The following TMEM135 variants were observed in gnomAD, a reference collection of about 807,000 sequenced individuals.
The protein encoded by TMEM135 is transmembrane protein 135.
TMEM135 carries 30 observed loss-of-function variants against 60.3 expected under a neutral mutation model. The ratio of observed to expected loss-of-function variants is 0.50; its 90% CI spans 0.37 to 0.68. TMEM135 has a LOEUF of 0.68. Ranked by LOEUF, TMEM135 falls within the 30% of genes least tolerant of loss-of-function variation. The pLI is 0.00. For missense variants in TMEM135, 468 were observed against 548.8 expected, an observed-to-expected ratio of 0.85 and a Z score of 1.47; for synonymous variants, 190 against 186.7, an observed-to-expected ratio of 1.02 and a Z score of -0.14.
intron 5 of TMEM135, among the ~76,000 whole-genome samples, chr11:87,223,620 C>T (rs1940695719): frequency 6.6e-6 from 1 of 151,874 alleles, no homozygotes; most frequent in African/African-American, 2.4e-5. Context: ...AGACCAGCCT[C>T]GCCAACATGG....
At chr11:87,041,938 C>T (rs1339717721) in intron 1 of TMEM135, among the ~76,000 whole-genome samples, 2 of 152,134 alleles carry the variant, frequency 1.3e-5, no homozygotes, top group African/African-American at 4.8e-5. Flanking sequence ...GTTGCAGTTG[C>T]CATTATTGCT....
intron 4 of TMEM135, among the ~76,000 whole-genome samples, chr11:87,131,324 A>G (rs572082649): frequency 1.3e-5 from 1 of 78,046 alleles, no homozygotes; most frequent in Admixed American, 1.6e-4. Context: ...CATACAGAAT[A>G]GTTTCACTGC....
chr11:87,110,511 A>C (rs980025040), intron 4 of TMEM135, among the ~76,000 whole-genome samples: 3 of 152,140 alleles, frequency 2.0e-5, no homozygotes, highest in African/African-American at 7.2e-5. Context: ...CTTTGTGACT[A>C]TAACTGCAAA....
At chr11:87,186,958 T>C (rs980124314) in intron 5 of TMEM135, among the ~76,000 whole-genome samples, 10 of 152,168 alleles carry the variant, frequency 6.6e-5, no homozygotes, top group Middle Eastern at 3.2e-3. Flanking sequence ...AATATAATTA[T>C]TGTGTAGTTA....
rs1371694030 is a variant in TMEM135, at chr11:87,324,055, T to G, written c.*2722T>G. 1 of 454,012 alleles carries G rather than the reference T, an allele frequency of 2.2e-6. No homozygotes were observed. The highest frequency in any genetic ancestry group is 4.4e-6 in the Non-Finnish European group (1 of 226,792). 28.1% of individuals were successfully genotyped at this position (454,012 alleles called of 1,614,324 possible). A position where few individuals can be genotyped will look rare whatever the true frequency, so the allele number is the denominator to read the frequency against. On this transcript the variant is annotated 3_prime_UTR_variant, in exon 15 of 15. Transcript: ENST00000305494. ...TTTATTAGACTGAACATGTATGTTT[T>G]TGATGGAATCCAAACTGAGCAAATG...
At chr11:87,244,876 T>C (rs997774311) in intron 6 of TMEM135, among the ~76,000 whole-genome samples, 4 of 150,714 alleles carry the variant, frequency 2.7e-5, no homozygotes, top group Non-Finnish European at 5.9e-5. Context: ...TTTTAGTTAT[T>C]TCTTGCCTTC....
chr11:87,197,832 A>G (rs1357378438), intron 5 of TMEM135, among the ~76,000 whole-genome samples: 2 of 152,200 alleles, frequency 1.3e-5, no homozygotes, highest in Non-Finnish European at 2.9e-5. Context: ...GTATGTTATC[A>G]GAGAAGAAAA....
Position 87,096,586 on chromosome 11 carries a change from C to A in TMEM135, c.396+5191C>A, listed in dbSNP as rs1857335223. 2 of 152,256 alleles carry A rather than the reference C, an allele frequency of 1.3e-5. 1 individual carries two copies. The highest frequency in any genetic ancestry group is 4.8e-5 in the African/African-American group (2 of 41,552). The allele number at this position is 152,256 out of a possible 1,614,324, so 9.4% of individuals were successfully genotyped here. On this transcript the variant is annotated intron_variant, in intron 4 of 14. Coordinates refer to ENST00000305494, the MANE Select transcript of TMEM135 (RefSeq NM_022918.4). ...ACCATGTTACTTAATACACAGTCAC[C>A]TTTTTTGAATACTGATACAGGTAGT...
At chr11:87,131,426 A>G (rs988798825) in intron 4 of TMEM135, among the ~76,000 whole-genome samples, 1 of 152,016 alleles carries the variant, frequency 6.6e-6, no homozygotes, top group African/African-American at 2.4e-5. Flanking sequence ...CCCTCACTAG[A>G]GTGTGGTCTG....
chr11:87,280,795 T>C (rs374414225), intron 6 of TMEM135, among the ~76,000 whole-genome samples: 14 of 152,224 alleles, frequency 9.2e-5, no homozygotes, highest in Admixed American at 7.2e-4. Flanking sequence ...ACTTATGAAA[T>C]ACTTAACTGT....
intron 6 of TMEM135, among the ~76,000 whole-genome samples, chr11:87,266,249 AC>A (rs1229599978): frequency 1.3e-5 from 2 of 152,008 alleles, no homozygotes; most frequent in Non-Finnish European, 2.9e-5. Flanking sequence ...TAAGTCCCTC[AC>A]CCTTGGCTGG....
chr11:87,038,498 C>A (rs910685699), intron 1 of TMEM135, among the ~76,000 whole-genome samples: 1 of 151,900 alleles, frequency 6.6e-6, no homozygotes, highest in Non-Finnish European at 1.5e-5. Context: ...ATTCAAAGAC[C>A]AGCCTTATTT....
At chr11:87,126,150 C>G (rs1174058433) in intron 4 of TMEM135, among the ~76,000 whole-genome samples, 1 of 152,036 alleles carries the variant, frequency 6.6e-6, no homozygotes, top group Non-Finnish European at 1.5e-5. Context: ...GGGTTATGGG[C>G]TTGAGCCACT....
chr11:87,206,229 T>C (rs547782705), intron 5 of TMEM135, among the ~76,000 whole-genome samples: 246 of 152,308 alleles, frequency 1.6e-3, no homozygotes, highest in African/African-American at 5.7e-3. Flanking sequence ...GACTAACTAA[T>C]ATGCAGTTTG....
intron 10 of TMEM135, among the ~76,000 whole-genome samples, chr11:87,310,531 G>A (rs1178688893): frequency 6.6e-6 from 1 of 151,284 alleles, no homozygotes; most frequent in Non-Finnish European, 1.5e-5. Flanking sequence ...CTGGGTATTG[G>A]GATCAATCAT....
In TMEM135 at chr11:87,322,995, G is replaced by A. The variant is rs1942851111; in HGVS notation, c.*1662G>A. ...AACGATGGTTGGTACTGTGTTTACT[G>A]TTTAAAATGAAGTACTAAAGCCCTG... On this transcript the variant is annotated 3_prime_UTR_variant, in exon 15 of 15. Coordinates refer to ENST00000305494, the MANE Select transcript of TMEM135 (RefSeq NM_022918.4). 1 of 454,186 alleles carries A rather than the reference G, an allele frequency of 2.2e-6. No individual in the cohort carries two copies. The highest frequency in any genetic ancestry group is 2.0e-5 in the African/African-American group (1 of 49,960). The allele number at this position is 454,186 out of a possible 1,614,324, so 28.1% of individuals were successfully genotyped here.
Position 87,322,817 on chromosome 11 carries a change from G to T in TMEM135, c.*1484G>T. The T allele has an allele frequency of 2.2e-6, 1 of 454,396 alleles. No individual in the cohort carries two copies. Among genetic ancestry groups the T allele is most frequent in the Non-Finnish European group, 4.4e-6 (1 of 226,730 alleles). 28.1% of individuals were successfully genotyped at this position (454,396 alleles called of 1,614,324 possible). A position where few individuals can be genotyped will look rare whatever the true frequency, so the allele number is the denominator to read the frequency against. On this transcript the variant is annotated 3_prime_UTR_variant, in exon 15 of 15. Coordinates refer to ENST00000305494, the MANE Select transcript of TMEM135 (RefSeq NM_022918.4). The stretch of plus-strand genomic sequence containing the variant: ...GACAGACTCTGGTACTATGGTAACA[G>T]AGCCACTTTATCATTTGGTCAAAAT...
At chr11:87,279,387 A>T in intron 6 of TMEM135, among the ~76,000 whole-genome samples, 1 of 152,138 alleles carries the variant, frequency 6.6e-6, no homozygotes, top group East Asian at 1.9e-4. Context: ...TTGTAGTCTC[A>T]GTGTGTAAGA....
chr11:87,215,898 G>C (rs544749386), intron 5 of TMEM135, among the ~76,000 whole-genome samples: 36 of 152,188 alleles, frequency 2.4e-4, no homozygotes, highest in African/African-American at 8.2e-4. Flanking sequence ...TGAATTTCCT[G>C]CTATCTAATA....
Sources: allele counts gnomAD v4.1 joint callset (sites outside exome capture counted in the v4.1 genomes callset), GRCh38; gene constraint gnomAD v4.1.1; transcripts MANE v1.5; gene names NCBI Gene and HGNC (gene_info 2026-07-23, HGNC 2026-07-21).